Variants in FHIP1A observed in about 807,000 individuals in gnomAD.
The protein encoded by FHIP1A is FHF complex subunit HOOK-interacting protein 1A.
FHIP1A carries 61 observed loss-of-function variants against 88.6 expected under a neutral mutation model. The observed-to-expected ratio is 0.69, with a 90% CI of 0.56 to 0.85. FHIP1A has a LOEUF of 0.85. FHIP1A is among the 40% of genes least tolerant of loss of function. The pLI, the probability that FHIP1A is intolerant of heterozygous loss-of-function variation, is 0.00. For synonymous variants in FHIP1A, 478 were observed against 496.0 expected, an observed-to-expected ratio of 0.96 and a Z score of 0.48; for missense variants, 1,154 against 1,273.5, an observed-to-expected ratio of 0.91 and a Z score of 1.43.
chr4:151,491,439 G>T (rs1203178167), intron 3 of FHIP1A, among the ~76,000 whole-genome samples: 1 of 152,118 alleles, frequency 6.6e-6, no homozygotes, highest in East Asian at 1.9e-4. Context: ...GACAAATGCT[G>T]AGAGAACTTG....
At chr4:151,527,535 C>G (rs1281856118) in intron 3 of FHIP1A, among the ~76,000 whole-genome samples, 2 of 151,730 alleles carry the variant, frequency 1.3e-5, no homozygotes, top group Non-Finnish European at 2.9e-5. Context: ...AGAGGGAGAC[C>G]GTGGGGAGAG....
At chr4:151,624,395 G>T (rs553487002) in intron 7 of FHIP1A, among the ~76,000 whole-genome samples, 3 of 152,084 alleles carry the variant, frequency 2.0e-5, no homozygotes, top group Non-Finnish European at 4.4e-5. Context: ...TGTGCCTCTT[G>T]TACCTGGTTT....
chr4:151,603,051 G>A (rs535688455), intron 7 of FHIP1A, among the ~76,000 whole-genome samples: 6 of 152,144 alleles, frequency 3.9e-5, no homozygotes, highest in Non-Finnish European at 8.8e-5. Flanking sequence ...GGTGGCTCAC[G>A]CCTGTAATCC....
At chr4:151,448,000 C>A (rs1315293275) in intron 1 of FHIP1A, among the ~76,000 whole-genome samples, 1 of 152,150 alleles carries the variant, frequency 6.6e-6, no homozygotes, top group Non-Finnish European at 1.5e-5. Flanking sequence ...CCTCCACCTC[C>A]CAGGTTCAAG....
intron 9 of FHIP1A, among the ~76,000 whole-genome samples, chr4:151,641,520 A>C (rs930134813): frequency 1.1e-4 from 17 of 152,228 alleles, no homozygotes; most frequent in African/African-American, 4.1e-4. Flanking sequence ...CATTCTTAAA[A>C]CATTATGAGA....
chr4:151,601,982 C>T (rs139390607), intron 7 of FHIP1A, among the ~76,000 whole-genome samples: 1 of 152,050 alleles, frequency 6.6e-6, no homozygotes, highest in East Asian at 2.0e-4. Flanking sequence ...AGAGCTTGTG[C>T]AGGGAAACTC....
chr4:151,592,337 T>C (rs1734470050), intron 7 of FHIP1A, among the ~76,000 whole-genome samples: 1 of 152,124 alleles, frequency 6.6e-6, no homozygotes, highest in South Asian at 2.1e-4. Flanking sequence ...GGTTTCACTG[T>C]GTTAGCCAGG....
intron 5 of FHIP1A, among the ~76,000 whole-genome samples, chr4:151,578,644 A>T (rs1733905085): frequency 1.3e-5 from 2 of 152,304 alleles, no homozygotes; most frequent in Middle Eastern, 3.4e-3. Flanking sequence ...TTTGTTGCTG[A>T]TGGGAATGCA....
At chr4:151,624,637 A>G (rs576295859) in intron 7 of FHIP1A, among the ~76,000 whole-genome samples, 1 of 152,296 alleles carries the variant, frequency 6.6e-6, no homozygotes, top group South Asian at 2.1e-4. Context: ...TCCTCAAAAT[A>G]CGTTACTGAA....
rs559665459 is a variant in FHIP1A at position 151,411,351 on chromosome 4, T to A, written c.-356+1886T>A. 8.0e-3 allele frequency among the ~76,000 whole-genome samples: 1,137 copies of A among 142,972 alleles called. 21 individuals are homozygous for A. Among genetic ancestry groups the A allele is most frequent in the African/African-American group, 0.017 (664 of 38,518 alleles). 93.8% of individuals were successfully genotyped at this position (142,972 alleles called of 152,430 possible). A position where few individuals can be genotyped will look rare whatever the true frequency, so the allele number is the denominator to read the frequency against. ...CTGAGGAGTGAAATTATATATATATTTTTTTTTTTTTAAAGTTAGGGTCTC... is the reference window on the plus strand; with the variant it reads ...CTGAGGAGTGAAATTATATATATATATTTTTTTTTTTAAAGTTAGGGTCTC... On this transcript the variant is annotated intron_variant, in intron 1 of 13. Transcript: ENST00000435205.
chr4:151,439,669 C>A (rs1310766424), intron 1 of FHIP1A, among the ~76,000 whole-genome samples: 2 of 152,132 alleles, frequency 1.3e-5, no homozygotes, highest in Non-Finnish European at 2.9e-5. Flanking sequence ...TCTTTTCAAG[C>A]CACAACAATT....
At chr4:151,579,820 CT>C (rs1733954227) in intron 5 of FHIP1A, among the ~76,000 whole-genome samples, 1 of 152,032 alleles carries the variant, frequency 6.6e-6, no homozygotes, top group African/African-American at 2.4e-5. Flanking sequence ...ATACAGAAAA[CT>C]TAAAACACTA....
At chr4:151,482,901 T>C (rs1380581364) in intron 3 of FHIP1A, among the ~76,000 whole-genome samples, 1 of 152,092 alleles carries the variant, frequency 6.6e-6, no homozygotes, top group African/African-American at 2.4e-5. Flanking sequence ...GTGGCAAATA[T>C]CAACCTTGTA....
chr4:151,544,717 T>A (rs1732421666), intron 3 of FHIP1A, among the ~76,000 whole-genome samples: 1 of 152,080 alleles, frequency 6.6e-6, no homozygotes, highest in Non-Finnish European at 1.5e-5. Flanking sequence ...GCCATGGTAT[T>A]GAGAAAAGGA....
chr4:151,638,043 G>A (rs541266990), intron 8 of FHIP1A, among the ~76,000 whole-genome samples: 1 of 152,106 alleles, frequency 6.6e-6, no homozygotes, highest in Non-Finnish European at 1.5e-5. Flanking sequence ...CCCCTGTTTG[G>A]CAGTTTACCT....
intron 2 of FHIP1A, among the ~76,000 whole-genome samples, chr4:151,473,405 G>C (rs531544227): frequency 6.6e-6 from 1 of 151,654 alleles, no homozygotes; most frequent in Non-Finnish European, 1.5e-5. Context: ...AACTGGTGCA[G>C]TTGTCATTTT....
At chr4:151,571,476 T>C (rs775592324) in intron 4 of FHIP1A, among the ~76,000 whole-genome samples, 1 of 152,188 alleles carries the variant, frequency 6.6e-6, no homozygotes, top group East Asian at 1.9e-4. Flanking sequence ...ATTGGTTAAT[T>C]AAGTCAAATG....
chr4:151,425,402 T>G (rs1178478989), intron 1 of FHIP1A, among the ~76,000 whole-genome samples: 3 of 152,166 alleles, frequency 2.0e-5, no homozygotes, highest in African/African-American at 7.2e-5. Context: ...GTTTGGATCT[T>G]GACTTAGATA....
chr4:151,492,776 C>A (rs1267979579), intron 3 of FHIP1A, among the ~76,000 whole-genome samples: 1 of 152,056 alleles, frequency 6.6e-6, no homozygotes, highest in Non-Finnish European at 1.5e-5. Context: ...TTAACAAATT[C>A]TTTGAACTGA....
Sources: allele counts gnomAD v4.1 joint callset (sites outside exome capture counted in the v4.1 genomes callset), GRCh38; gene constraint gnomAD v4.1.1; transcripts MANE v1.5; gene names NCBI Gene and HGNC (gene_info 2026-07-23, HGNC 2026-07-21).